TPO: variants seen among roughly 807,000 people sequenced by gnomAD.
The protein encoded by TPO is thyroid microsomal antigen.
In TPO, 78 loss-of-function variants were observed where a neutral mutation model predicts 96.9. That is an observed-to-expected ratio of 0.81 (90% CI 0.67 to 0.97). The LOEUF (loss-of-function observed/expected upper bound fraction) is 0.97. Ranked by LOEUF, TPO falls within the 50% of genes least tolerant of loss-of-function variation. The probability of loss-of-function intolerance (pLI) is 0.00; values close to 1 mark genes in which losing one functional copy is unlikely to be tolerated. For missense variants in TPO, 1,252 were observed against 1,274.8 expected (o/e 0.98, Z 0.27); for synonymous variants, 547 against 538.0 (o/e 1.02, Z -0.23).
intron 10 of TPO, among the ~76,000 whole-genome samples, chr2:1,491,861 G>T (rs907646193): frequency 6.6e-6 from 1 of 152,238 alleles, no homozygotes; most frequent in East Asian, 1.9e-4. Flanking sequence ...AGAGGGCTGG[G>T]ATGGCCCATC....
At chr2:1,529,866 C>A (rs1385125984) in intron 15 of TPO, among the ~76,000 whole-genome samples, 1 of 141,450 alleles carries the variant, frequency 7.1e-6, no homozygotes, top group Non-Finnish European at 1.5e-5. Context: ...CAAAATTGCC[C>A]CCACTGTGTG....
At chr2:1,482,721 C>T (rs753945784) in intron 8 of TPO, among the ~76,000 whole-genome samples, 17 of 152,290 alleles carry the variant, frequency 1.1e-4, no homozygotes, top group African/African-American at 1.7e-4. Flanking sequence ...ATCACCTAGG[C>T]GGAAGTGCGG....
At chr2:1,387,402 GTTCATTTCT>G (rs954617757) in intron 1 of TPO, among the ~76,000 whole-genome samples, 14 of 152,130 alleles carry the variant, frequency 9.2e-5, no homozygotes, top group African/African-American at 3.4e-4. Flanking sequence ...TGGAGGCTTT[GTTCATTTCT>G]TTTTATTCTT....
intron 15 of TPO, among the ~76,000 whole-genome samples, chr2:1,528,744 C>G (rs1175820759): frequency 3.6e-5 from 5 of 139,426 alleles, no homozygotes; most frequent in African/African-American, 1.4e-4. Flanking sequence ...TCCCCAAATC[C>G]CCCACACTGT....
rs28909373 is a variant in TPO at position 1,423,150 on chromosome 2, G to A, written c.179+21G>A. ...CAGAGGTGAGCCTTGCGGAGGGGCCGCCGCCCCAAATGCCACCGACAGGCG... is the reference window on the plus strand; with the variant it reads ...CAGAGGTGAGCCTTGCGGAGGGGCCACCGCCCCAAATGCCACCGACAGGCG... On this transcript the variant is annotated intron_variant, in intron 3 of 16. Transcript: ENST00000329066. The A allele has an allele frequency of 3.6e-3, 5,823 of 1,610,988 alleles. 193 individuals carry two copies. The African/African-American group carries it at 0.07, about 19-fold the overall frequency.
intron 8 of TPO, among the ~76,000 whole-genome samples, chr2:1,479,573 C>A (rs1054166044): frequency 6.6e-6 from 1 of 152,158 alleles, no homozygotes; most frequent in Non-Finnish European, 1.5e-5. Context: ...TTGTCACGCA[C>A]CCTGTTGTCT....
At chr2:1,518,059 G>T (rs1674891437) in intron 15 of TPO, among the ~76,000 whole-genome samples, 1 of 152,050 alleles carries the variant, frequency 6.6e-6, no homozygotes. Flanking sequence ...CACTGGCGGA[G>T]CCCCCAGCAC....
At chr2:1,396,450 C>T (rs769128812) in intron 1 of TPO, among the ~76,000 whole-genome samples, 5 of 152,312 alleles carry the variant, frequency 3.3e-5, no homozygotes, top group African/African-American at 9.6e-5. Context: ...AGAGGGTCTC[C>T]GTGCATGTGT....
In TPO at chr2:1,510,305, C is replaced by A. The variant is rs76839539; in HGVS notation, c.2518+6226C>A. Among the ~76,000 whole-genome samples, 14 of 152,294 alleles carry A rather than the reference C, an allele frequency of 9.2e-5. 1 individual carries two copies. Among genetic ancestry groups the A allele is most frequent in the African/African-American group, 3.4e-4 (14 of 41,582 alleles). Reference sequence around the variant, plus strand: ...AAACCTAAGAAAGCGGATTCAGAACCCTGCTCAGGTGAAGGCAGTGGGGCA... The same window carrying A: ...AAACCTAAGAAAGCGGATTCAGAACACTGCTCAGGTGAAGGCAGTGGGGCA... On this transcript the variant is annotated intron_variant, in intron 14 of 16. Coordinates refer to ENST00000329066, the MANE Select transcript of TPO (RefSeq NM_001206744.2).
intron 5 of TPO, among the ~76,000 whole-genome samples, chr2:1,439,595 A>T (rs1033700518): frequency 6.6e-6 from 1 of 152,034 alleles, no homozygotes; most frequent in Non-Finnish European, 1.5e-5. Flanking sequence ...ACCTCTTTGC[A>T]TCTTCCACAA....
At chr2:1,509,938 AC>A (rs139790160) in intron 14 of TPO, among the ~76,000 whole-genome samples, 41 of 134,980 alleles carry the variant, frequency 3.0e-4, no homozygotes, top group Non-Finnish European at 5.6e-4. Context: ...TTTCAGGCAC[AC>A]CCCCCCTCTT....
chr2:1,408,448 GCGTGGGCTGCTGATGAAT>G (rs1662277816), upstream of TPO, among the ~76,000 whole-genome samples: 4 of 152,332 alleles, frequency 2.6e-5, no homozygotes, highest in South Asian at 8.3e-4. Context: ...TTCGAGTTGT[GCGTGGGCTGCTGATGAAT>G]CCTGGTTCAG....
rs185756872 is a variant in TPO, at chr2:1,428,791, C to T, written c.180-4647C>T. Among the ~76,000 whole-genome samples, 71 of 152,222 alleles carry T rather than the reference C, an allele frequency of 4.7e-4. No homozygotes were observed. The Middle Eastern group carries it at 0.01, about 22-fold the overall frequency. Reference sequence around the variant, plus strand: ...GATAAATGTCTCCAAGGAAAGCACGCGTTTTGGGGAGGGTTGCTATCCTGT... The same window carrying T: ...GATAAATGTCTCCAAGGAAAGCACGTGTTTTGGGGAGGGTTGCTATCCTGT... On this transcript the variant is annotated intron_variant, in intron 3 of 16. Transcript: ENST00000329066.
chr2:1,374,907 T>A (rs1661698886), intron 1 of TPO, among the ~76,000 whole-genome samples: 1 of 151,840 alleles, frequency 6.6e-6, no homozygotes, highest in Non-Finnish European at 1.5e-5. Flanking sequence ...TTTTTTGTAT[T>A]TTTAGTAGAG....
intron 7 of TPO, among the ~76,000 whole-genome samples, chr2:1,469,859 C>G (rs977725009): frequency 6.6e-6 from 1 of 152,168 alleles, no homozygotes; most frequent in Non-Finnish European, 1.5e-5. Flanking sequence ...TTCAGAGGGT[C>G]TGCGGTTTCT....
chr2:1,527,769 C>A (rs1389500930), intron 15 of TPO, among the ~76,000 whole-genome samples: 3 of 149,254 alleles, frequency 2.0e-5, no homozygotes, highest in Admixed American at 6.6e-5. Flanking sequence ...CCCAAATCCC[C>A]CCCACTCTGT....
At chr2:1,401,619 C>T (rs1293193983) in intron 1 of TPO, among the ~76,000 whole-genome samples, 1 of 152,082 alleles carries the variant, frequency 6.6e-6, no homozygotes, top group Non-Finnish European at 1.5e-5. Context: ...CCTGCACAGC[C>T]CTGAGCTTCT....
intron 11 of TPO, among the ~76,000 whole-genome samples, chr2:1,495,224 G>A (rs903816957): frequency 2.6e-5 from 4 of 152,166 alleles, no homozygotes; most frequent in Admixed American, 6.5e-5. Context: ...ATTAACTTAC[G>A]TATAGTGGGG....
chr2:1,421,188 C>G (rs559714619), intron 2 of TPO, among the ~76,000 whole-genome samples: 1 of 152,140 alleles, frequency 6.6e-6, no homozygotes, highest in East Asian at 1.9e-4. Flanking sequence ...AAAGGCACGA[C>G]GGCCGGGAGC....
Sources: gnomAD v4.1 joint callset for allele counts (sites outside exome capture counted in the v4.1 genomes callset) on GRCh38, gnomAD v4.1.1 for gene constraint, MANE v1.5 for transcripts, NCBI Gene and HGNC (gene_info 2026-07-23, HGNC 2026-07-21) for gene names.